TUSC3: variants seen among roughly 807,000 people sequenced by gnomAD.
The protein encoded by TUSC3 is tumor suppressor candidate 3.
A neutral mutation model predicts 44.8 loss-of-function variants in TUSC3; 45 were observed. That is an observed-to-expected ratio of 1.00 (90% CI 0.79 to 1.29). The LOEUF (loss-of-function observed/expected upper bound fraction) is 1.29. TUSC3 is among the 50% of genes most tolerant of loss of function. TUSC3 has a pLI of 0.00. For missense variants in TUSC3, 519 were observed against 437.9 expected, an observed-to-expected ratio of 1.19 and a Z score of -1.65; for synonymous variants, 212 against 152.9, an observed-to-expected ratio of 1.39 and a Z score of -2.85.
chr8:15,534,507 G>C (rs1382020765), intron 2 of TUSC3, among the ~76,000 whole-genome samples: 1 of 152,004 alleles, frequency 6.6e-6, no homozygotes, highest in Non-Finnish European at 1.5e-5. Context: ...GCCGGGCTTG[G>C]TGGTGGGCTC....
At chr8:15,738,785 T>C (rs555317469) in intron 7 of TUSC3, among the ~76,000 whole-genome samples, 1 of 149,922 alleles carries the variant, frequency 6.7e-6, no homozygotes, top group African/African-American at 2.4e-5. Flanking sequence ...ATATACATCT[T>C]TTCACTTGGT....
the TUSC3 span, among the ~76,000 whole-genome samples, chr8:15,851,049 T>G: frequency 6.6e-6 from 1 of 152,184 alleles, no homozygotes; most frequent in African/African-American, 2.4e-5. Flanking sequence ...AGTGAACAGG[T>G]GTAACGTGTC....
intron 2 of TUSC3, among the ~76,000 whole-genome samples, chr8:15,625,050 G>C (rs571450181): frequency 1.3e-5 from 2 of 152,146 alleles, no homozygotes; most frequent in South Asian, 4.1e-4. Flanking sequence ...CTAGTTTGCT[G>C]ACAGTTTTTA....
the TUSC3 span, among the ~76,000 whole-genome samples, chr8:15,828,616 T>C: frequency 5.4e-3 from 829 of 152,316 alleles, 5 homozygotes; most frequent in Non-Finnish European, 9.8e-3. Flanking sequence ...TGCTTTTGGA[T>C]CAAGAAAGAA....
At chr8:15,708,047 G>T (rs533352712) in intron 6 of TUSC3, among the ~76,000 whole-genome samples, 1 of 151,962 alleles carries the variant, frequency 6.6e-6, no homozygotes, top group South Asian at 2.1e-4. Flanking sequence ...AAGTTATAAA[G>T]ATACTCTCAT....
At chr8:15,770,502 C>T (rs984673675), downstream of TUSC3, among the ~76,000 whole-genome samples, 4 of 152,020 alleles carry the variant, frequency 2.6e-5, no homozygotes, top group Non-Finnish European at 5.9e-5. Context: ...CATGTGTATA[C>T]CTCTGTAACC....
chr8:15,688,378 T>C (rs1808732539), intron 6 of TUSC3, among the ~76,000 whole-genome samples: 1 of 152,092 alleles, frequency 6.6e-6, no homozygotes, highest in Non-Finnish European at 1.5e-5. Context: ...CTTTAGTAAG[T>C]TTTTCGTAAC....
intron 1 of TUSC3, among the ~76,000 whole-genome samples, chr8:15,473,980 G>A (rs2129123406): frequency 6.6e-6 from 1 of 152,140 alleles, no homozygotes; most frequent in Admixed American, 6.6e-5. Context: ...GCGTATTTTG[G>A]TCCTTATCTC....
chr8:15,563,200 A>G (rs911470442), intron 1 of TUSC3, among the ~76,000 whole-genome samples: 1 of 152,172 alleles, frequency 6.6e-6, no homozygotes, highest in South Asian at 2.1e-4. Context: ...AAGTGATGAT[A>G]ACTTTATCAT....
intron 1 of TUSC3, among the ~76,000 whole-genome samples, 199 bp downstream of exon 1, chr8:15,540,767 G>T (rs889369497): frequency 6.6e-6 from 1 of 152,168 alleles, no homozygotes. Flanking sequence ...CTTGAAAAAC[G>T]ACGGCAAAGC....
At chr8:15,696,295 C>T (rs762378868) in intron 6 of TUSC3, among the ~76,000 whole-genome samples, 11 of 152,130 alleles carry the variant, frequency 7.2e-5, no homozygotes, top group Non-Finnish European at 1.0e-4. Context: ...ATGTGGATTC[C>T]GAGGGCACAA....
At chr8:15,758,938 G>T (rs1812051629) in intron 10 of TUSC3, among the ~76,000 whole-genome samples, 1 of 152,024 alleles carries the variant, frequency 6.6e-6, no homozygotes, top group Non-Finnish European at 1.5e-5. Flanking sequence ...CTTTTTAGAA[G>T]ACCACTTGTT....
At chr8:15,714,407 G>C (rs1363841608) in intron 6 of TUSC3, among the ~76,000 whole-genome samples, 1 of 152,024 alleles carries the variant, frequency 6.6e-6, no homozygotes, top group African/African-American at 2.4e-5. Context: ...GCTATTTCCA[G>C]CCAGAAAGTG....
intron 1 of TUSC3, among the ~76,000 whole-genome samples, chr8:15,457,246 A>G (rs560393469): frequency 2.1e-4 from 32 of 152,170 alleles, no homozygotes; most frequent in Admixed American, 5.9e-4. Flanking sequence ...CAGCACACCA[A>G]CATGGCACGT....
intron 1 of TUSC3, among the ~76,000 whole-genome samples, chr8:15,435,636 A>C (rs1370450149): frequency 6.6e-6 from 1 of 152,182 alleles, no homozygotes; most frequent in East Asian, 1.9e-4. Flanking sequence ...GATTTTATTA[A>C]AATGTATGTA....
chr8:15,789,535 C>G, the TUSC3 span, among the ~76,000 whole-genome samples: 3 of 152,036 alleles, frequency 2.0e-5, no homozygotes, highest in African/African-American at 7.2e-5. Flanking sequence ...GCCATGAAAT[C>G]TTATGAATTA....
At chr8:15,438,749 A>T (rs1047467139) in intron 1 of TUSC3, among the ~76,000 whole-genome samples, 36 of 152,160 alleles carry the variant, frequency 2.4e-4, no homozygotes, top group Admixed American at 2.0e-4. Flanking sequence ...CAATTCTCAA[A>T]TTGCACTGAA....
At chr8:15,489,295 G>A (rs1563264605) in intron 2 of TUSC3, among the ~76,000 whole-genome samples, 2 of 152,168 alleles carry the variant, frequency 1.3e-5, no homozygotes. Context: ...GAATTAAGTT[G>A]TTATTTAAAG....
chr8:15,781,547 T>A, the TUSC3 span, among the ~76,000 whole-genome samples: 1 of 152,038 alleles, frequency 6.6e-6, no homozygotes, highest in South Asian at 2.1e-4. Flanking sequence ...AACAGAAACC[T>A]TGCAGGCCAG....
Sources: gnomAD v4.1 joint callset for allele counts (sites outside exome capture counted in the v4.1 genomes callset) on GRCh38, gnomAD v4.1.1 for gene constraint, MANE v1.5 for transcripts, NCBI Gene and HGNC (gene_info 2026-07-23, HGNC 2026-07-21) for gene names.